The following CREBBP variants were observed in gnomAD, a reference collection of about 807,000 sequenced individuals.
CREBBP encodes CREB binding lysine acetyltransferase.
A neutral mutation model predicts 265.0 loss-of-function variants in CREBBP; 19 were observed. The ratio of observed to expected loss-of-function variants is 0.07; its 90% CI spans 0.05 to 0.11. The LOEUF (loss-of-function observed/expected upper bound fraction) is 0.11. Ranked by LOEUF, CREBBP falls within the 10% of genes least tolerant of loss-of-function variation. The pLI is 1.00. For missense variants in CREBBP, 2,525 were observed against 3,219.0 expected, an observed-to-expected ratio of 0.78 and a Z score of 5.22; for synonymous variants, 1,457 against 1,223.7, an observed-to-expected ratio of 1.19 and a Z score of -3.98.
At chr16:3,751,886 A>G in intron 19 of CREBBP, 80 bp from the exon 20 acceptor site, 1 of 1,335,400 alleles carries the variant, frequency 7.5e-7, no homozygotes, top group Non-Finnish European at 1.1e-6. Context: ...CACCAATCAG[A>G]GCAGGGCAGA....
chr16:3,766,252 C>T (rs904001220), intron 16 of CREBBP, among the ~76,000 whole-genome samples: 2 of 152,162 alleles, frequency 1.3e-5, no homozygotes, highest in African/African-American at 2.4e-5. Context: ...CTTTAAGAAA[C>T]CTTCACTGGC....
At position 3,729,059 on chromosome 16, in the gene CREBBP, G is replaced by A. The variant is rs181646656; in HGVS notation, c.5988C>T (p.Ala1996=). 17,411 of 1,584,672 alleles carry A rather than the reference G, an allele frequency of 0.011. 257 individuals carry two copies. Among genetic ancestry groups the A allele is most frequent in the South Asian group, 0.05 (4,423 of 88,624 alleles). ...TGMGTPGSQM[A]PVSLNVPRPN... is the part of the protein sequence containing the mutation. ...GTCGGGGCACATTCAGGCTCACGGG[G>A]GCCATCTGGCTCCCCGGGGTCCCCA... Residue 1996 remains alanine (A), a synonymous_variant, in exon 31 of 31, where the codon GCC becomes GCT. Transcript: ENST00000262367.
At chr16:3,813,202 C>T (rs1268744832) in intron 2 of CREBBP, 1 of 227,948 alleles carries the variant, frequency 4.4e-6, no homozygotes, top group Non-Finnish European at 8.7e-6. Flanking sequence ...AGGTGATTTC[C>T]TTCCCCATGT....
chr16:3,812,778 T>C (rs994638060), intron 2 of CREBBP, among the ~76,000 whole-genome samples: 1 of 152,230 alleles, frequency 6.6e-6, no homozygotes, highest in Non-Finnish European at 1.5e-5. Flanking sequence ...CTTTGCTTTT[T>C]TGCAAAGCTC....
At chr16:3,846,867 A>G (rs2054678932) in intron 2 of CREBBP, among the ~76,000 whole-genome samples, 1 of 152,220 alleles carries the variant, frequency 6.6e-6, no homozygotes, top group Non-Finnish European at 1.5e-5. Context: ...GGAGAACCAA[A>G]ATTCAAGAAT....
intron 2 of CREBBP, among the ~76,000 whole-genome samples, chr16:3,849,943 C>A (rs1400454231): frequency 1.3e-5 from 2 of 152,110 alleles, no homozygotes; most frequent in African/African-American, 4.8e-5. Flanking sequence ...ACTGTGCCAA[C>A]AGATACTTCA....
At chr16:3,766,879 A>C (rs530743831) in intron 16 of CREBBP, among the ~76,000 whole-genome samples, 3 of 152,204 alleles carry the variant, frequency 2.0e-5, no homozygotes, top group Admixed American at 6.5e-5. Flanking sequence ...TCCACACAAC[A>C]ACTCTCTGGG....
rs2151319523 is a variant in CREBBP at position 3,731,893 on chromosome 16, C to A, written c.4773G>T (p.Lys1591Asn). The A allele has an allele frequency of 6.2e-7, 1 of 1,614,262 alleles. No individual in the cohort carries two copies. The highest frequency in any genetic ancestry group is 8.5e-7 in the Non-Finnish European group (1 of 1,180,048). ...TGCTGCTTTTGTTCTTGTTGGTTTT[C>A]TTGTTGTTCTTCTTCTTGGCATTCT... is the stretch of plus-strand genomic sequence containing the variant. ...DSKNAKKKNNKKTNKNKSSIS... is the reference protein window; with the variant it reads ...DSKNAKKKNNNKTNKNKSSIS... Residue 1591 changes from lysine to asparagine, a missense_variant, in exon 29 of 31, where the codon AAG becomes AAT. Lys to Asn is a moderately conservative substitution (Grantham distance 94, BLOSUM62 0). Transcript: ENST00000262367. The surrounding 1 kb of genome is among the most constrained non-coding windows in gnomAD (Gnocchi z 7.7).
chr16:3,801,259 GAAC>G (rs1363348192), intron 3 of CREBBP, among the ~76,000 whole-genome samples: 1 of 152,164 alleles, frequency 6.6e-6, no homozygotes, highest in Non-Finnish European at 1.5e-5. Context: ...GAAAACTGGT[GAAC>G]AACAGGACCA....
At chr16:3,839,724 G>C (rs1423421942) in intron 2 of CREBBP, among the ~76,000 whole-genome samples, 1 of 138,106 alleles carries the variant, frequency 7.2e-6, no homozygotes, top group East Asian at 2.1e-4. Context: ...GGAGGGGAGG[G>C]GGAGGGGGAG....
intron 2 of CREBBP, among the ~76,000 whole-genome samples, chr16:3,825,947 C>A (rs2141395178): frequency 6.6e-6 from 1 of 152,318 alleles, no homozygotes; most frequent in African/African-American, 2.4e-5. Flanking sequence ...TGAGGCCAGG[C>A]ATGGTGGCTC....
chr16:3,836,018 T>C (rs1262401123), intron 2 of CREBBP, among the ~76,000 whole-genome samples: 1 of 152,120 alleles, frequency 6.6e-6, no homozygotes, highest in Non-Finnish European at 1.5e-5. Context: ...GCCAACAACG[T>C]GGATGAATCT....
chr16:3,845,474 T>C (rs1056284176), intron 2 of CREBBP, among the ~76,000 whole-genome samples: 4 of 152,086 alleles, frequency 2.6e-5, no homozygotes, highest in African/African-American at 9.7e-5. Context: ...ATCGTATCAG[T>C]GGGAGAAAAG....
chr16:3,792,063 G>A lies in CREBBP; in HGVS notation c.1248C>T (p.Ile416=), dbSNP rs1567316704. ...GTCGTGTGCAGTTCTTCCAATGAGA[G>A]ATGATTTGTCGTGAAGATGCACAAT... The part of the protein sequence containing the change: ...VAHCASSRQI[I]SHWKNCTRHD... Residue 416 remains isoleucine, a synonymous_variant, in exon 5 of 31, where the codon ATC becomes ATT. Coordinates refer to ENST00000262367, the MANE Select transcript of CREBBP (RefSeq NM_004380.3). 6.2e-7 allele frequency: 1 copy of A among 1,614,080 alleles called. No individual in the cohort carries two copies. The highest frequency in any genetic ancestry group is 8.5e-7 in the Non-Finnish European group (1 of 1,180,036).
chr16:3,859,468 A>G (rs2055028749), intron 1 of CREBBP, among the ~76,000 whole-genome samples: 1 of 152,232 alleles, frequency 6.6e-6, no homozygotes, highest in African/African-American at 2.4e-5. Flanking sequence ...TGCTGGGATT[A>G]TAGGTGTGAG....
In CREBBP at chr16:3,778,718, G is replaced by A. The variant is rs763196598; in HGVS notation, c.1923C>T (p.Tyr641=). 17 of 1,613,666 alleles carry A rather than the reference G, an allele frequency of 1.1e-5. No homozygotes were observed. The African/African-American group carries it at 1.1e-4, about 10-fold the overall frequency. ...AYAKKVEGDM[Y]ESANSRDEYY... is the part of the protein sequence containing the mutation. ...AACCTACCCTGCTGTTGGCAGACTCGTACATGTCCCCTTCCACTTTCTTAG... is the reference window on the plus strand; with the variant it reads ...AACCTACCCTGCTGTTGGCAGACTCATACATGTCCCCTTCCACTTTCTTAG... Residue 641 remains tyrosine (Y), a synonymous_variant, in exon 9 of 31, where the codon TAC becomes TAT. Transcript: ENST00000262367.
chr16:3,733,345 G>A (rs1304037767), intron 28 of CREBBP, among the ~76,000 whole-genome samples: 2 of 143,356 alleles, frequency 1.4e-5, no homozygotes, highest in Non-Finnish European at 3.0e-5. Flanking sequence ...CTGGGCGACA[G>A]AGCGAGACTC....
At chr16:3,874,852 G>A (rs996952432) in intron 1 of CREBBP, among the ~76,000 whole-genome samples, 4 of 152,162 alleles carry the variant, frequency 2.6e-5, no homozygotes, top group African/African-American at 9.7e-5. Flanking sequence ...GTTTGAGTAA[G>A]GTAAAGAGGG....
chr16:3,791,846 G>T, intron 5 of CREBBP, 135 bp downstream of exon 5: 1 of 783,920 alleles, frequency 1.3e-6, no homozygotes, highest in East Asian at 2.6e-5. Context: ...CTGTACCTTG[G>T]GCTGCTGTCC....
Sources: allele counts gnomAD v4.1 joint callset (sites outside exome capture counted in the v4.1 genomes callset), GRCh38; gene constraint gnomAD v4.1.1; non-coding constraint Gnocchi (gnomAD v3.1); transcripts MANE v1.5; gene names NCBI Gene and HGNC (gene_info 2026-07-23, HGNC 2026-07-21).